RTN4R: variants seen among roughly 807,000 people sequenced by gnomAD.
The protein encoded by RTN4R is reticulon 4 receptor, also known as reticulon-4 receptor.
In RTN4R, 4 loss-of-function variants were observed where a neutral mutation model predicts 27.7. The observed-to-expected ratio is 0.14, with a 90% CI of 0.07 to 0.33. The LOEUF is 0.33. RTN4R is among the 10% of genes least tolerant of loss of function. The pLI is 1.00. For missense variants in RTN4R, 554 were observed against 671.5 expected (o/e 0.83, Z 1.93); for synonymous variants, 290 against 305.6 (o/e 0.95, Z 0.53).
At chr22:20,249,572 G>A (rs1052621873) in intron 1 of RTN4R, among the ~76,000 whole-genome samples, 2 of 152,202 alleles carry the variant, frequency 1.3e-5, no homozygotes, top group African/African-American at 4.8e-5. Flanking sequence ...ACCCCTGGGG[G>A]TGCACACGAT....
chr22:20,244,833 C>T (rs2051130586), intron 1 of RTN4R, among the ~76,000 whole-genome samples: 1 of 152,150 alleles, frequency 6.6e-6, no homozygotes, highest in Non-Finnish European at 1.5e-5. Context: ...CATTATCGAC[C>T]ACACCACACC....
intron 1 of RTN4R, among the ~76,000 whole-genome samples, chr22:20,257,164 G>A (rs1455059404): frequency 6.6e-6 from 1 of 152,258 alleles, no homozygotes; most frequent in Admixed American, 6.5e-5. Context: ...CCCTGGGAGA[G>A]AGCCTTGGCC....
At chr22:20,247,482 C>A (rs2051148590) in intron 1 of RTN4R, among the ~76,000 whole-genome samples, 1 of 140,276 alleles carries the variant, frequency 7.1e-6, no homozygotes, top group Non-Finnish European at 1.6e-5. Flanking sequence ...CCCCGCCCCC[C>A]ACCCATCTGT....
At chr22:20,256,189 G>A (rs2051211382) in intron 1 of RTN4R, among the ~76,000 whole-genome samples, 1 of 152,212 alleles carries the variant, frequency 6.6e-6, no homozygotes, top group African/African-American at 2.4e-5. Flanking sequence ...AGGCGGGGCA[G>A]TCCGGCCTTA....
intron 1 of RTN4R, among the ~76,000 whole-genome samples, chr22:20,247,114 C>T (rs760110069): frequency 2.6e-5 from 4 of 152,018 alleles, no homozygotes; most frequent in African/African-American, 7.2e-5. Flanking sequence ...GGGCAGGCAG[C>T]GCCCTCCTGT....
chr22:20,265,537 G>A (rs981572100), intron 1 of RTN4R, among the ~76,000 whole-genome samples: 15 of 152,336 alleles, frequency 9.8e-5, no homozygotes, highest in African/African-American at 2.2e-4. Flanking sequence ...ACCCTGGCAC[G>A]GGGAAACTGA....
At chr22:20,262,845 G>C (rs1457459600) in intron 1 of RTN4R, among the ~76,000 whole-genome samples, 1 of 152,208 alleles carries the variant, frequency 6.6e-6, no homozygotes, top group African/African-American at 2.4e-5. Context: ...GGGACTTCTG[G>C]CATGTCCCCG....
intron 1 of RTN4R, among the ~76,000 whole-genome samples, chr22:20,252,384 C>A (rs1478519732): frequency 1.3e-5 from 2 of 152,198 alleles, no homozygotes; most frequent in South Asian, 2.1e-4. Flanking sequence ...GAAATGAGGG[C>A]CCCTCGCCTC....
chr22:20,268,315 GGGGTTGGGGCGTGGGCGGC>G (rs2051294119), exon 1 of RTN4R: 5 of 143,908 alleles, frequency 3.5e-5, no homozygotes, highest in African/African-American at 7.5e-5. Context: ...CGGCGGCGCG[GGGGTTGGGGCGTGGGCGGC>G]GCGGCGGGCC....
At chr22:20,265,619 A>G (rs1477997568) in intron 1 of RTN4R, among the ~76,000 whole-genome samples, 2 of 152,146 alleles carry the variant, frequency 1.3e-5, no homozygotes, top group African/African-American at 2.4e-5. Flanking sequence ...GTACTATGGG[A>G]GGGTCTCCCA....
At chr22:20,243,248 C>A in intron 1 of RTN4R, 138 bp from the exon 2 acceptor site, 1 of 781,708 alleles carries the variant, frequency 1.3e-6, no homozygotes, top group South Asian at 1.7e-5. Context: ...GCCACCACCC[C>A]CGGGAATCGC....
intron 1 of RTN4R, among the ~76,000 whole-genome samples, chr22:20,266,422 G>A (rs1232486242): frequency 6.6e-6 from 1 of 152,252 alleles, no homozygotes; most frequent in Non-Finnish European, 1.5e-5. Context: ...GGAGGTAGGG[G>A]AGCCCACCAC....
intron 1 of RTN4R, among the ~76,000 whole-genome samples, chr22:20,259,273 C>A (rs140484793): frequency 1.3e-5 from 2 of 152,316 alleles, no homozygotes; most frequent in Admixed American, 6.5e-5. Flanking sequence ...CGGGTCCTCG[C>A]GGTGACATCC....
At position 20,242,263 on chromosome 22, in the gene RTN4R, CG is replaced by C; in HGVS notation, c.869del (p.Pro290ArgfsTer12). The C allele has an allele frequency of 6.3e-7, 1 of 1,597,908 alleles. No homozygotes were observed. The highest frequency in any genetic ancestry group is 8.5e-7 in the Non-Finnish European group (1 of 1,173,362). On this transcript the variant is annotated frameshift_variant, in exon 2 of 2. Transcript: ENST00000043402. LOFTEE classifies it high-confidence loss of function. The part of the protein sequence containing the change: ...GSSSEVPCSL[P>X]QRLAGRDLKR... Reference sequence around the variant, plus strand: ...TGAGGTCACGGCCAGCCAGGCGTTGCGGGAGGCTGCAGGGCACCTCGGAGGA... The same window carrying C: ...TGAGGTCACGGCCAGCCAGGCGTTGCGGAGGCTGCAGGGCACCTCGGAGGA...
intron 1 of RTN4R, among the ~76,000 whole-genome samples, chr22:20,250,473 C>T (rs889611225): frequency 6.6e-6 from 1 of 152,170 alleles, no homozygotes; most frequent in Non-Finnish European, 1.5e-5. Context: ...CCACCTTCAC[C>T]CTCACAATGG....
chr22:20,241,447 G>A lies in RTN4R; in HGVS notation c.*264C>T, dbSNP rs532438891. The A allele has an allele frequency of 1.1e-5, 6 of 545,258 alleles. No individual in the cohort carries two copies. Among genetic ancestry groups the A allele is most frequent in the South Asian group, 4.6e-5 (2 of 43,356 alleles). 33.8% of individuals were successfully genotyped at this position (545,258 alleles called of 1,614,324 possible). ...AAGAGCTCTTTATTCCACGTCGTCCGATATTTTTACACAAGTAAAATAAAA... is the reference window on the plus strand; with the variant it reads ...AAGAGCTCTTTATTCCACGTCGTCCAATATTTTTACACAAGTAAAATAAAA... On this transcript the variant is annotated 3_prime_UTR_variant, in exon 2 of 2. Transcript: ENST00000043402.
chr22:20,252,295 T>C (rs986622249), intron 1 of RTN4R, among the ~76,000 whole-genome samples: 3 of 152,226 alleles, frequency 2.0e-5, no homozygotes, highest in African/African-American at 7.2e-5. Context: ...GGGTCAGTAC[T>C]GGGTCGACAC....
At position 20,250,171 on chromosome 22, in the gene RTN4R, C is replaced by T. The variant is rs1192992411; in HGVS notation, c.23-7061G>A. 7.9e-5 allele frequency among the ~76,000 whole-genome samples: 12 copies of T among 152,258 alleles called. No homozygotes were observed. In the East Asian group the frequency reaches 1.7e-3, roughly 22 times the overall value. Reference sequence around the variant, plus strand: ...CCAGCCAAGGCCAGAGCTCCGTGTCCGGGGGCCAGAGTGGAACCCTTGTCA... The same window carrying T: ...CCAGCCAAGGCCAGAGCTCCGTGTCTGGGGGCCAGAGTGGAACCCTTGTCA... On this transcript the variant is annotated intron_variant, in intron 1 of 1. Coordinates refer to ENST00000043402, the MANE Select transcript of RTN4R (RefSeq NM_023004.6).
Position 20,242,389 on chromosome 22 carries a change from G to A in RTN4R, c.744C>T (p.Pro248=). 6.2e-7 allele frequency: 1 copy of A among 1,613,156 alleles called. No homozygotes were observed. Among genetic ancestry groups the A allele is most frequent in the Non-Finnish European group, 8.5e-7 (1 of 1,179,944 alleles). The change falls in exon 2 of 2, where the codon CCC becomes CCT. Residue 248 remains proline, a synonymous_variant. Coordinates refer to ENST00000043402, the MANE Select transcript of RTN4R (RefSeq NM_023004.6). The stretch of plus-strand genomic sequence containing the variant: ...GCCTCAGGTACTGCAGGGCACGCAG[G>A]GGGGCCAGGGCCTCAGTGGGCAGCG... The part of the protein sequence containing the change: ...LSALPTEALA[P]LRALQYLRLN...
Sources: gnomAD v4.1 joint callset for allele counts (sites outside exome capture counted in the v4.1 genomes callset) on GRCh38, gnomAD v4.1.1 for gene constraint, MANE v1.5 for transcripts, NCBI Gene and HGNC (gene_info 2026-07-23, HGNC 2026-07-21) for gene names.